MCF2L2: variants seen among roughly 807,000 people sequenced by gnomAD.
MCF2L2 encodes probable guanine nucleotide exchange factor MCF2L2.
Under a neutral mutation model 150.2 loss-of-function variants are expected in MCF2L2, and 102 were observed. That is an observed-to-expected ratio of 0.68 (90% confidence interval 0.58 to 0.80). The LOEUF is 0.80. Among genes scored for constraint, MCF2L2 ranks in the 30% least tolerant of loss-of-function variants. The probability of loss-of-function intolerance (pLI) is 0.00; values close to 1 mark genes in which losing one functional copy is unlikely to be tolerated. For synonymous variants in MCF2L2, 465 were observed against 491.3 expected (o/e 0.95, Z 0.71); for missense variants, 1,256 against 1,372.8 (o/e 0.91, Z 1.34).
chr3:183,276,580 T>G (rs73884626), intron 15 of MCF2L2: 4,639 of 329,920 alleles, frequency 0.014, 198 homozygotes, highest in African/African-American at 0.087. Flanking sequence ...AACCAATAAT[T>G]CAGTCAATAT....
intron 3 of MCF2L2, among the ~76,000 whole-genome samples, chr3:183,359,996 T>G (rs1712029299): frequency 6.6e-6 from 1 of 152,208 alleles, no homozygotes; most frequent in Non-Finnish European, 1.5e-5. Context: ...AGGCTCCAAT[T>G]GTTCATTCAT....
rs1301984894 is a variant in MCF2L2 at position 183,285,779 on chromosome 3, C to CT, written c.1776+3340dup. Among the ~76,000 whole-genome samples, 79 of 152,114 alleles carry CT rather than the reference C, an allele frequency of 5.2e-4. 1 individual carries two copies. Among genetic ancestry groups the CT allele is most frequent in the African/African-American group, 1.9e-3 (78 of 41,498 alleles). On this transcript the variant is annotated intron_variant, in intron 14 of 29. Coordinates refer to ENST00000328913, the MANE Select transcript of MCF2L2 (RefSeq NM_015078.4). The stretch of plus-strand genomic sequence containing the variant: ...AATAGGCTTCTGCTCCTTTAAATAA[C>CT]TTTAACAGGCACCAAAGGAACACTG...
intron 15 of MCF2L2, among the ~76,000 whole-genome samples, chr3:183,274,771 C>G (rs904013133): frequency 6.6e-6 from 1 of 152,198 alleles, no homozygotes; most frequent in East Asian, 1.9e-4. Flanking sequence ...TATTCGATGT[C>G]TCTTTGAGTC....
chr3:183,261,192 G>A (rs542784139), intron 15 of MCF2L2, among the ~76,000 whole-genome samples: 1 of 152,230 alleles, frequency 6.6e-6, no homozygotes, highest in African/African-American at 2.4e-5. Flanking sequence ...AATTTATTAA[G>A]AAAAAATCTA....
intron 2 of MCF2L2, among the ~76,000 whole-genome samples, chr3:183,386,517 G>A (rs1372697333): frequency 6.6e-6 from 1 of 152,218 alleles, no homozygotes; most frequent in Non-Finnish European, 1.5e-5. Flanking sequence ...CAGCAGACCA[G>A]GCAGCTAGGG....
chr3:183,206,903 C>A (rs142665350), intron 23 of MCF2L2, among the ~76,000 whole-genome samples: 22 of 110,938 alleles, frequency 2.0e-4, no homozygotes, highest in African/African-American at 5.8e-4. Context: ...GAAAGAAAGA[C>A]AGAAAGAAAG....
intron 10 of MCF2L2, among the ~76,000 whole-genome samples, chr3:183,304,631 A>G (rs1168058969): frequency 1.4e-5 from 2 of 147,452 alleles, no homozygotes; most frequent in Non-Finnish European, 3.0e-5. Context: ...ATGCCTGGCT[A>G]ATTTTTTTTT....
intron 1 of MCF2L2, among the ~76,000 whole-genome samples, chr3:183,423,322 T>G (rs1461507546): frequency 7.2e-5 from 11 of 152,208 alleles, no homozygotes; most frequent in Non-Finnish European, 1.6e-4. Context: ...TCTGGCTGCA[T>G]GTTATCAATG....
At chr3:183,208,819 T>G (rs7609994) in intron 22 of MCF2L2, among the ~76,000 whole-genome samples, 6,120 of 152,302 alleles carry the variant, frequency 0.04, 344 homozygotes, top group African/African-American at 0.12. Flanking sequence ...ATTTTTATAA[T>G]TTATTGTTTA....
chr3:183,344,416 T>C (rs1730820589), intron 3 of MCF2L2, among the ~76,000 whole-genome samples: 1 of 152,166 alleles, frequency 6.6e-6, no homozygotes. Flanking sequence ...ATAATCACAT[T>C]AATTGGAAAT....
chr3:183,245,259 GAA>G (rs1724198022), intron 15 of MCF2L2, among the ~76,000 whole-genome samples: 1 of 152,198 alleles, frequency 6.6e-6, no homozygotes, highest in Non-Finnish European at 1.5e-5. Context: ...CATAGAAACA[GAA>G]AGGAGAAGGG....
intron 1 of MCF2L2, among the ~76,000 whole-genome samples, chr3:183,424,510 C>T (rs1256562166): frequency 1.3e-5 from 2 of 152,204 alleles, no homozygotes; most frequent in African/African-American, 4.8e-5. Flanking sequence ...ATTTATTCTG[C>T]ATCTCCTTAG....
intron 9 of MCF2L2, 81 bp from the exon 10 acceptor site, chr3:183,309,916 ACT>A: frequency 1.3e-6 from 2 of 1,539,836 alleles, no homozygotes; most frequent in African/African-American, 1.4e-5. Flanking sequence ...CTTCAAGAAA[ACT>A]CAAAATTCCA....
At chr3:183,345,151 C>T (rs563967196) in intron 3 of MCF2L2, among the ~76,000 whole-genome samples, 10 of 152,106 alleles carry the variant, frequency 6.6e-5, no homozygotes, top group Non-Finnish European at 1.0e-4. Flanking sequence ...TATTCTAAAA[C>T]TGACCACATA....
At chr3:183,215,939 G>A (rs1315161123) in intron 22 of MCF2L2, 30 bp downstream of exon 22, 2 of 1,602,646 alleles carry the variant, frequency 1.2e-6, no homozygotes, top group East Asian at 4.5e-5. Flanking sequence ...CCTTTTGTGT[G>A]AGATGCTCTA....
chr3:183,364,199 G>A (rs1017160933), intron 3 of MCF2L2, among the ~76,000 whole-genome samples: 2 of 151,986 alleles, frequency 1.3e-5, no homozygotes, highest in Non-Finnish European at 2.9e-5. Context: ...AAACCAAACC[G>A]AAGAACAGGA....
chr3:183,385,777 C>T (rs16857425), intron 2 of MCF2L2, among the ~76,000 whole-genome samples: 1,867 of 152,294 alleles, frequency 0.012, 34 homozygotes, highest in African/African-American at 0.042. Context: ...AAGCTAAATG[C>T]TTGCCTTCTG....
chr3:183,270,479 C>T lies in MCF2L2; in HGVS notation c.1862+6393G>A. On this transcript the variant is annotated intron_variant, in intron 15 of 29. Transcript: ENST00000328913. This position sits in a 1 kb window ranked among gnomAD's most constrained non-coding sequence, Gnocchi z 4.5. ...GGATTGGTCGTGTTCATCGTGGTGC[C>T]CCTCCCATTAGAGATAAAAGCAGCA... 1 of 1,614,058 alleles carries T rather than the reference C, an allele frequency of 6.2e-7. No individual in the cohort carries two copies. Among genetic ancestry groups the T allele is most frequent in the Admixed American group, 1.7e-5 (1 of 60,014 alleles).
chr3:183,326,998 T>A (rs1730070793), intron 5 of MCF2L2, among the ~76,000 whole-genome samples: 1 of 152,064 alleles, frequency 6.6e-6, no homozygotes, highest in South Asian at 2.1e-4. Flanking sequence ...CCTATGAAAG[T>A]AGCCAGAATC....
Sources: gnomAD v4.1 joint callset for allele counts (sites outside exome capture counted in the v4.1 genomes callset) on GRCh38, gnomAD v4.1.1 for gene constraint, Gnocchi (gnomAD v3.1) non-coding constraint, MANE v1.5 for transcripts, NCBI Gene and HGNC (gene_info 2026-07-23, HGNC 2026-07-21) for gene names.